Variants in FOXP2 observed in about 807,000 individuals in gnomAD.
The protein encoded by FOXP2 is forkhead box protein P2.
Under a neutral mutation model 115.8 loss-of-function variants are expected in FOXP2, and 12 were observed. The ratio of observed to expected loss-of-function variants is 0.10; its 90% CI spans 0.07 to 0.17. The LOEUF (loss-of-function observed/expected upper bound fraction) is 0.17. Among genes scored for constraint, FOXP2 ranks in the 10% least tolerant of loss-of-function variants. FOXP2 has a pLI of 1.00. For missense variants in FOXP2, 629 were observed against 843.5 expected (o/e 0.75, Z 3.15); for synonymous variants, 328 against 297.7 (o/e 1.10, Z -1.05).
intron 3 of FOXP2, among the ~76,000 whole-genome samples, chr7:114,616,467 A>G (rs985872189): frequency 1.5e-4 from 23 of 152,068 alleles, no homozygotes; most frequent in African/African-American, 5.3e-4. Flanking sequence ...CTGGCCTACA[A>G]TAGGTGATTA....
chr7:114,689,035 C>T (rs1282605074), intron 16 of FOXP2, among the ~76,000 whole-genome samples: 1 of 152,134 alleles, frequency 6.6e-6, no homozygotes, highest in Non-Finnish European at 1.5e-5. Context: ...TGTGAACCTT[C>T]ATAGCTTTTC....
intron 3 of FOXP2, among the ~76,000 whole-genome samples, chr7:114,550,016 A>G (rs560091348): frequency 5.1e-4 from 77 of 151,590 alleles, no homozygotes; most frequent in African/African-American, 1.9e-3. Flanking sequence ...AGTAAGTTAA[A>G]CTCTTAATAC....
chr7:114,273,842 G>T (rs895173090), intron 1 of FOXP2, among the ~76,000 whole-genome samples: 8 of 151,908 alleles, frequency 5.3e-5, no homozygotes, highest in Non-Finnish European at 5.9e-5. Context: ...TATTTAAAGT[G>T]CATTCCTTGT....
chr7:114,228,557 T>G (rs1398107838), intron 1 of FOXP2, among the ~76,000 whole-genome samples: 2 of 151,904 alleles, frequency 1.3e-5, no homozygotes, highest in Admixed American at 1.3e-4. Context: ...TTAAAGAAAT[T>G]GCAGCATGAA....
chr7:114,681,351 T>TTA (rs959425414), intron 16 of FOXP2, among the ~76,000 whole-genome samples: 6 of 152,168 alleles, frequency 3.9e-5, no homozygotes, highest in Non-Finnish European at 7.4e-5. Context: ...TCTAACAGGC[T>TTA]TATATATATT....
At chr7:114,384,641 G>T (rs1409086545) in intron 2 of FOXP2, among the ~76,000 whole-genome samples, 1 of 152,100 alleles carries the variant, frequency 6.6e-6, no homozygotes, top group Admixed American at 6.6e-5. Context: ...TAGGAAATCT[G>T]ATGGGTTAAG....
At chr7:114,285,502 A>C (rs1796445974) in intron 1 of FOXP2, 1 of 152,178 alleles carries the variant, frequency 6.6e-6, no homozygotes, top group African/African-American at 2.4e-5. Context: ...AATATATTTT[A>C]CAGTAGAGGT....
intron 1 of FOXP2, among the ~76,000 whole-genome samples, chr7:114,132,236 A>ACATAATTC (rs1562974698): frequency 6.6e-6 from 1 of 152,152 alleles, no homozygotes; most frequent in Non-Finnish European, 1.5e-5. Context: ...TTTTTAAACA[A>ACATAATTC]CATAATTCTT....
intron 1 of FOXP2, among the ~76,000 whole-genome samples, chr7:114,099,837 G>C (rs1799737427): frequency 6.6e-6 from 1 of 152,106 alleles, no homozygotes; most frequent in African/African-American, 2.4e-5. Context: ...GGATGAATAA[G>C]TCTAAAGATC....
chr7:114,107,245 T>C (rs1176853953), intron 1 of FOXP2, among the ~76,000 whole-genome samples: 4 of 152,010 alleles, frequency 2.6e-5, no homozygotes, highest in Admixed American at 1.3e-4. Flanking sequence ...TTTCTGTTTT[T>C]ATAAACAAGG....
intron 2 of FOXP2, among the ~76,000 whole-genome samples, chr7:114,484,992 G>C (rs1047873438): frequency 6.6e-6 from 1 of 151,660 alleles, no homozygotes; most frequent in African/African-American, 2.4e-5. Flanking sequence ...AGAGAAGTTG[G>C]TAATTTTTAC....
chr7:114,475,276 A>G (rs577783472), intron 2 of FOXP2, among the ~76,000 whole-genome samples: 5 of 152,210 alleles, frequency 3.3e-5, no homozygotes, highest in South Asian at 4.1e-4. Context: ...TTGTCTCTCT[A>G]TATAAATCTT....
chr7:114,538,918 T>A (rs185884154), intron 3 of FOXP2, among the ~76,000 whole-genome samples: 2 of 151,980 alleles, frequency 1.3e-5, no homozygotes, highest in East Asian at 3.9e-4. Flanking sequence ...ATTCTGTATA[T>A]CTGAGGAAGC....
chr7:114,418,899 AGT>A (rs1053265212), intron 1 of FOXP2, among the ~76,000 whole-genome samples: 2 of 151,938 alleles, frequency 1.3e-5, no homozygotes, highest in African/African-American at 4.8e-5. Flanking sequence ...TTGGAATAAC[AGT>A]GTGTTTCCTA....
intron 16 of FOXP2, among the ~76,000 whole-genome samples, chr7:114,677,182 A>C (rs929041967): frequency 4.6e-5 from 7 of 151,202 alleles, no homozygotes. Context: ...CAAAAAAAAA[A>C]AAAACAAAAA....
intron 2 of FOXP2, among the ~76,000 whole-genome samples, chr7:114,465,263 C>A (rs1395123339): frequency 6.6e-6 from 1 of 152,112 alleles, no homozygotes; most frequent in Non-Finnish European, 1.5e-5. Flanking sequence ...CAACGTCTAG[C>A]CTTTGTTCTT....
At chr7:114,422,667 A>G (rs1436106105) in intron 1 of FOXP2, among the ~76,000 whole-genome samples, 1 of 151,654 alleles carries the variant, frequency 6.6e-6, no homozygotes, top group Admixed American at 6.6e-5. Flanking sequence ...AGCAACAAGG[A>G]CCAGTAGTGT....
chr7:114,266,685 C>T (rs1180906939), intron 1 of FOXP2, among the ~76,000 whole-genome samples: 2 of 152,076 alleles, frequency 1.3e-5, no homozygotes, highest in East Asian at 3.9e-4. Context: ...GAAATTTTGG[C>T]GGGGCATCCA....
chr7:114,678,374 A>G (rs2129348856), intron 16 of FOXP2, among the ~76,000 whole-genome samples: 1 of 152,182 alleles, frequency 6.6e-6, no homozygotes, highest in Non-Finnish European at 1.5e-5. Flanking sequence ...CAGGAGTTTG[A>G]GAGCCGTGTC....
Sources: gnomAD v4.1 joint callset for allele counts (sites outside exome capture counted in the v4.1 genomes callset) on GRCh38, gnomAD v4.1.1 for gene constraint, MANE v1.5 for transcripts, NCBI Gene and HGNC (gene_info 2026-07-23, HGNC 2026-07-21) for gene names.